Variants in SHTN1 observed in about 807,000 individuals in gnomAD.
The protein encoded by SHTN1 is shootin 1, also known as shootin-1.
In SHTN1, 42 loss-of-function variants were observed where a neutral mutation model predicts 83.1. The ratio of observed to expected loss-of-function variants is 0.51; its 90% confidence interval spans 0.39 to 0.65. SHTN1 has a LOEUF of 0.65. Among genes scored for constraint, SHTN1 ranks in the 30% least tolerant of loss-of-function variants. SHTN1 has a pLI of 0.00. For synonymous variants in SHTN1, 224 were observed against 247.7 expected, an observed-to-expected ratio of 0.90 and a Z score of 0.90; for missense variants, 622 against 737.8, an observed-to-expected ratio of 0.84 and a Z score of 1.82.
chr10:117,045,525 A>G (rs1271483918), intron 2 of SHTN1, among the ~76,000 whole-genome samples: 2 of 151,986 alleles, frequency 1.3e-5, no homozygotes, highest in African/African-American at 2.4e-5. Context: ...CTTATTTAAG[A>G]AGAAGTCTTC....
intron 2 of SHTN1, among the ~76,000 whole-genome samples, chr10:117,017,953 A>G (rs895325515): frequency 1.3e-5 from 2 of 152,186 alleles, no homozygotes; most frequent in Non-Finnish European, 2.9e-5. Flanking sequence ...GACAAACACA[A>G]CTTGATGGAC....
intron 11 of SHTN1, 75 bp from the exon 12 acceptor site, chr10:116,921,591 C>G: frequency 9.9e-7 from 1 of 1,013,616 alleles, no homozygotes; most frequent in South Asian, 1.5e-5. Flanking sequence ...AAATCTCACT[C>G]TTTGATAGGT....
At chr10:117,084,881 C>T (rs1376662191) in intron 1 of SHTN1, among the ~76,000 whole-genome samples, 1 of 152,190 alleles carries the variant, frequency 6.6e-6, no homozygotes, top group Non-Finnish European at 1.5e-5. Context: ...GGCAATGCCT[C>T]GCCCTGCTTC....
chr10:116,935,674 C>A (rs1849132329), intron 9 of SHTN1, among the ~76,000 whole-genome samples: 1 of 152,164 alleles, frequency 6.6e-6, no homozygotes, highest in Admixed American at 6.5e-5. Context: ...ATGATGCTGG[C>A]CTCATAAAAT....
At chr10:116,927,967 C>T (rs1280776640) in intron 10 of SHTN1, 76 bp from the exon 11 acceptor site, 1 of 1,509,228 alleles carries the variant, frequency 6.6e-7, no homozygotes, top group Non-Finnish European at 9.0e-7. Flanking sequence ...AAAAAAAGAA[C>T]ATAACCTTTC....
rs566027505 is a variant in SHTN1, at chr10:116,936,615, T to C, written c.858+3851A>G. Among the ~76,000 whole-genome samples, 3 of 152,288 alleles carry C rather than the reference T, an allele frequency of 2.0e-5. No homozygotes were observed. In the East Asian group the frequency reaches 5.8e-4, roughly 29 times the overall value. ...GTGGTCAATTTTAGAATAAGTACGA[T>C]GTGGTCCTGAGAAGAATATATATTC... is the stretch of plus-strand genomic sequence containing the variant. On this transcript the variant is annotated intron_variant, in intron 9 of 16. Coordinates refer to ENST00000355371, the MANE Select transcript of SHTN1 (RefSeq NM_001127211.3).
intron 2 of SHTN1, among the ~76,000 whole-genome samples, chr10:117,028,992 T>C (rs1255560267): frequency 6.6e-6 from 1 of 152,046 alleles, no homozygotes; most frequent in Non-Finnish European, 1.5e-5. Flanking sequence ...GCACACTCAA[T>C]CTGGAAATAT....
intron 1 of SHTN1, among the ~76,000 whole-genome samples, chr10:117,088,680 G>GT (rs1853385828): frequency 6.6e-6 from 1 of 152,172 alleles, no homozygotes; most frequent in Non-Finnish European, 1.5e-5. Flanking sequence ...CAATACAGGT[G>GT]TGAGGGGGCA....
chr10:116,927,693 T>A (rs1848796737), intron 11 of SHTN1, 99 bp downstream of exon 11: 1 of 1,384,312 alleles, frequency 7.2e-7, no homozygotes, highest in Non-Finnish European at 9.5e-7. Context: ...AAGAGAAGCA[T>A]CAGCTAGTAT....
At chr10:116,988,005 C>G (rs1421838634) in intron 1 of SHTN1, among the ~76,000 whole-genome samples, 1 of 151,802 alleles carries the variant, frequency 6.6e-6, no homozygotes, top group African/African-American at 2.4e-5. Context: ...ATTTTTAGAC[C>G]AGTGGTACTA....
In SHTN1 at chr10:116,886,216, C is replaced by A; in HGVS notation, c.*128G>T. 1 of 1,310,832 alleles carries A rather than the reference C, an allele frequency of 7.6e-7. No homozygotes were observed. The highest frequency in any genetic ancestry group is 1.0e-6 in the Non-Finnish European group (1 of 969,982). The allele number at this position is 1,310,832 out of a possible 1,614,324, so 81.2% of individuals were successfully genotyped here. On this transcript the variant is annotated 3_prime_UTR_variant, in exon 17 of 17. Coordinates refer to ENST00000355371, the MANE Select transcript of SHTN1 (RefSeq NM_001127211.3). Reference sequence around the variant, plus strand: ...TAGTTGCTACTTACAAAAGTGACACCAGAAAAGAACCTGTATTCTGAATAC... The same window carrying A: ...TAGTTGCTACTTACAAAAGTGACACAAGAAAAGAACCTGTATTCTGAATAC...
At chr10:116,992,192 G>A (rs530801723) in intron 1 of SHTN1, among the ~76,000 whole-genome samples, 11 of 151,958 alleles carry the variant, frequency 7.2e-5, no homozygotes, top group Non-Finnish European at 1.3e-4. Context: ...AATTCCAAAG[G>A]CAAACAGCAC....
chr10:117,056,334 G>C (rs1191742912), intron 1 of SHTN1, among the ~76,000 whole-genome samples: 1 of 152,098 alleles, frequency 6.6e-6, no homozygotes, highest in South Asian at 2.1e-4. Context: ...CAAATCAAAT[G>C]AAGCAATGTA....
chr10:116,957,347 T>C (rs1357138020), intron 4 of SHTN1, among the ~76,000 whole-genome samples: 1 of 150,564 alleles, frequency 6.6e-6, no homozygotes, highest in East Asian at 2.0e-4. Context: ...TCTGACTCCC[T>C]GGTTCAAGCG....
chr10:117,105,775 T>C (rs1487541604), intron 1 of SHTN1, among the ~76,000 whole-genome samples: 1 of 152,134 alleles, frequency 6.6e-6, no homozygotes, highest in African/African-American at 2.4e-5. Flanking sequence ...CCCAAAACTT[T>C]GGGAAGCCAA....
intron 4 of SHTN1, among the ~76,000 whole-genome samples, chr10:116,955,182 C>A (rs1849939797): frequency 6.9e-6 from 1 of 145,346 alleles, no homozygotes; most frequent in Non-Finnish European, 1.5e-5. Context: ...GGTTTTTTAA[C>A]TTCAGTTATT....
intron 16 of SHTN1, chr10:116,901,511 G>T (rs1847735203): frequency 1.0e-6 from 1 of 985,222 alleles, no homozygotes. Flanking sequence ...TCAATTATTT[G>T]TGTAGAAGAA....
intron 2 of SHTN1, among the ~76,000 whole-genome samples, chr10:117,026,762 C>T (rs1315842942): frequency 6.6e-6 from 1 of 152,208 alleles, no homozygotes; most frequent in Non-Finnish European, 1.5e-5. Context: ...CTCTAGTCCC[C>T]AGCTCCCAGA....
intron 2 of SHTN1, among the ~76,000 whole-genome samples, chr10:117,047,407 A>T (rs1349967616): frequency 6.6e-6 from 1 of 152,180 alleles, no homozygotes; most frequent in East Asian, 1.9e-4. Context: ...GTCATTCAAC[A>T]CTGAGAAATG....
Sources: gnomAD v4.1 joint callset for allele counts (sites outside exome capture counted in the v4.1 genomes callset) on GRCh38, gnomAD v4.1.1 for gene constraint, MANE v1.5 for transcripts, NCBI Gene and HGNC (gene_info 2026-07-23, HGNC 2026-07-21) for gene names.